Variants in PRKX observed in about 807,000 individuals in gnomAD.
PRKX encodes cAMP-dependent protein kinase catalytic subunit PRKX.
In PRKX, 12 loss-of-function variants were observed where a neutral mutation model predicts 22.0. That is an observed-to-expected ratio of 0.54 (90% CI 0.35 to 0.88). The LOEUF (loss-of-function observed/expected upper bound fraction) is 0.88. Among genes scored for constraint, PRKX ranks in the 40% least tolerant of loss-of-function variants. The probability of loss-of-function intolerance (pLI) is 0.01; values close to 1 mark genes in which losing one functional copy is unlikely to be tolerated. For synonymous variants in PRKX, 134 were observed against 137.7 expected, an observed-to-expected ratio of 0.97 and a Z score of 0.19; for missense variants, 217 against 308.0, an observed-to-expected ratio of 0.70 and a Z score of 2.21.
At chrX:3,706,289 ATCC>A (rs1928684082) in intron 1 of PRKX, among the ~76,000 whole-genome samples, 1 of 110,775 alleles carries the variant, frequency 9.0e-6, no homozygotes, top group Non-Finnish European at 1.9e-5. Flanking sequence ...GGCTCAAGCA[ATCC>A]TCCTGCCTCA....
chrX:3,653,013 AG>A (rs1234377293), intron 3 of PRKX, among the ~76,000 whole-genome samples: 10 of 111,389 alleles, frequency 9.0e-5, no homozygotes. Context: ...TAAAATGCCC[AG>A]TGTGTGGTCT....
intron 1 of PRKX, among the ~76,000 whole-genome samples, chrX:3,680,614 T>C (rs751484917): frequency 1.1e-4 from 12 of 112,456 alleles, no homozygotes; most frequent in Non-Finnish European, 1.9e-5. Context: ...ACATACACAT[T>C]ACGGTCACCA....
At chrX:3,664,110 G>A (rs1406169636) in intron 2 of PRKX, among the ~76,000 whole-genome samples, 1 of 111,894 alleles carries the variant, frequency 8.9e-6, no homozygotes, top group Non-Finnish European at 1.9e-5. Context: ...TTGCACAGCT[G>A]AGCTCCTCTC....
chrX:3,683,034 G>A (rs1353793556), intron 1 of PRKX, among the ~76,000 whole-genome samples: 21 of 104,934 alleles, frequency 2.0e-4, no homozygotes, highest in East Asian at 3.3e-4. Context: ...GCTCAGGGAC[G>A]CCTGGAGCCC....
intron 3 of PRKX, 59 bp downstream of exon 3, chrX:3,655,090 C>T: frequency 8.4e-7 from 1 of 1,187,225 alleles, no homozygotes; most frequent in Middle Eastern, 2.3e-4. Context: ...GCCACAACTA[C>T]CACCACCTTT....
intron 4 of PRKX, among the ~76,000 whole-genome samples, chrX:3,631,251 A>G (rs1926774586): frequency 8.9e-6 from 1 of 112,541 alleles, no homozygotes; most frequent in Admixed American, 9.4e-5. Context: ...TGTGAATGGG[A>G]CCTTATTGGG....
At chrX:3,664,848 AACCTATTGG>A (rs746351004) in intron 2 of PRKX, among the ~76,000 whole-genome samples, 94 of 112,060 alleles carry the variant, frequency 8.4e-4, no homozygotes, top group African/African-American at 3.0e-3. Context: ...GCTGAGAAAT[AACCTATTGG>A]GTACAATGTT....
At chrX:3,612,443 C>G in intron 7 of PRKX, 118 bp from the exon 8 acceptor site, 1 of 806,647 alleles carries the variant, frequency 1.2e-6, no homozygotes, top group East Asian at 3.8e-5. Context: ...TTGCAAAACA[C>G]TAAAGCTGTC....
intron 6 of PRKX, among the ~76,000 whole-genome samples, chrX:3,619,742 T>G (rs1161359904): frequency 9.0e-6 from 1 of 111,484 alleles, no homozygotes; most frequent in Non-Finnish European, 1.9e-5. Context: ...CAGAAATTCC[T>G]GTTGTTTAAG....
intron 6 of PRKX, among the ~76,000 whole-genome samples, chrX:3,618,597 A>G (rs1266865892): frequency 9.1e-6 from 1 of 110,319 alleles, no homozygotes; most frequent in African/African-American, 3.3e-5. Flanking sequence ...CATGCTAAAT[A>G]ATACCATTTT....
chrX:3,605,262 C>T lies in PRKX; in HGVS notation c.*3707G>A, dbSNP rs1018816293. On this transcript the variant is annotated 3_prime_UTR_variant, in exon 9 of 9. Coordinates refer to ENST00000262848, the MANE Select transcript of PRKX (RefSeq NM_005044.5). ...TAGATTGAAGGAAAAACGAGAGGAA[C>T]CCGGGCACCCCATTTCAAATCTCTA... The T allele has an allele frequency of 6.3e-5, 7 of 111,844 alleles. No homozygotes were observed. Among genetic ancestry groups the T allele is most frequent in the African/African-American group, 2.3e-4 (7 of 30,666 alleles). 9.2% of individuals were successfully genotyped at this position (111,844 alleles called of 1,213,427 possible).
intron 4 of PRKX, among the ~76,000 whole-genome samples, chrX:3,639,732 T>C (rs1927028733): frequency 9.0e-6 from 1 of 111,160 alleles, no homozygotes; most frequent in Admixed American, 9.6e-5. Context: ...GCTCCGGTTT[T>C]GTGGTGGAAT....
At chrX:3,676,498 C>A (rs1236182541) in intron 1 of PRKX, among the ~76,000 whole-genome samples, 2 of 111,659 alleles carry the variant, frequency 1.8e-5, no homozygotes, top group Non-Finnish European at 3.8e-5. Context: ...AGTGTCCGTC[C>A]AAGGGCAAAT....
chrX:3,653,446 G>A (rs928206561), intron 3 of PRKX, among the ~76,000 whole-genome samples: 6 of 108,705 alleles, frequency 5.5e-5, no homozygotes, highest in East Asian at 5.7e-4. Flanking sequence ...TGGCTGAGAC[G>A]ACATGTAATG....
intron 4 of PRKX, among the ~76,000 whole-genome samples, chrX:3,628,378 C>T (rs1926703955): frequency 9.0e-6 from 1 of 110,980 alleles, no homozygotes; most frequent in Admixed American, 9.7e-5. Flanking sequence ...CGTATTGTTT[C>T]AAATACATAG....
chrX:3,671,047 T>C (rs976585109), intron 2 of PRKX, among the ~76,000 whole-genome samples: 6 of 110,142 alleles, frequency 5.4e-5, no homozygotes, highest in African/African-American at 2.0e-4. Context: ...TATTTATTAT[T>C]ATTTTTTGAG....
At chrX:3,702,112 G>C (rs1406930494) in intron 1 of PRKX, among the ~76,000 whole-genome samples, 1 of 111,445 alleles carries the variant, frequency 9.0e-6, no homozygotes, top group Non-Finnish European at 1.9e-5. Flanking sequence ...GTCTGGATAT[G>C]GACCCCTTTC....
At chrX:3,638,352 A>T (rs868132215) in intron 4 of PRKX, among the ~76,000 whole-genome samples, 4 of 111,534 alleles carry the variant, frequency 3.6e-5, no homozygotes, top group Middle Eastern at 9.2e-3. Flanking sequence ...AGTATATTGT[A>T]TTCTAATAAT....
intron 4 of PRKX, among the ~76,000 whole-genome samples, chrX:3,632,597 C>T (rs914360766): frequency 7.2e-5 from 8 of 111,656 alleles, no homozygotes; most frequent in African/African-American, 2.6e-4. Context: ...TACATAAGAT[C>T]ATGGGAAAGG....
Sources: gnomAD v4.1 joint callset for allele counts (sites outside exome capture counted in the v4.1 genomes callset) on GRCh38, gnomAD v4.1.1 for gene constraint, MANE v1.5 for transcripts, NCBI Gene and HGNC (gene_info 2026-07-23, HGNC 2026-07-21) for gene names.